Variants in AKR1B15 observed in about 807,000 individuals in gnomAD.
AKR1B15 encodes aldo-keto reductase family 1 member B15, also known as estradiol 17-beta-dehydrogenase AKR1B15.
AKR1B15 carries 49 observed loss-of-function variants against 38.5 expected under a neutral mutation model. That is an observed-to-expected ratio of 1.27 (90% CI 1.01 to 1.62). The LOEUF is 1.62. Among genes scored for constraint, AKR1B15 ranks in the 40% most tolerant of loss-of-function variants. The probability of loss-of-function intolerance (pLI) is 0.00; values close to 1 mark genes in which losing one functional copy is unlikely to be tolerated. For missense variants in AKR1B15, 411 were observed against 381.6 expected (o/e 1.08, Z -0.64); for synonymous variants, 137 against 135.5 (o/e 1.01, Z -0.08).
intron 3 of AKR1B15, among the ~76,000 whole-genome samples, chr7:134,566,353 G>A (rs1010462574): frequency 6.6e-6 from 1 of 152,128 alleles, no homozygotes; most frequent in African/African-American, 2.4e-5. Context: ...GCTACCTAAC[G>A]GGCATCTGCA....
intron 2 of AKR1B15, among the ~76,000 whole-genome samples, chr7:134,562,347 G>C (rs1794419896): frequency 6.6e-6 from 1 of 152,116 alleles, no homozygotes; most frequent in Non-Finnish European, 1.5e-5. Context: ...TTGCTGCTGG[G>C]GGCTGGGGTG....
intron 4 of AKR1B15, among the ~76,000 whole-genome samples, chr7:134,569,184 T>C (rs777086632): frequency 2.6e-5 from 4 of 152,228 alleles, no homozygotes; most frequent in Non-Finnish European, 5.9e-5. Flanking sequence ...GAGACACTTA[T>C]AGAGTACTAG....
At chr7:134,570,013 T>G (rs1794634245) in intron 5 of AKR1B15, 1 of 153,776 alleles carries the variant, frequency 6.5e-6, no homozygotes, top group African/African-American at 2.4e-5. Context: ...CAGAGCCATA[T>G]TTCTCTTCTT....
intron 2 of AKR1B15, among the ~76,000 whole-genome samples, chr7:134,559,952 A>G (rs1794333501): frequency 6.6e-6 from 1 of 152,060 alleles, no homozygotes; most frequent in African/African-American, 2.4e-5. Context: ...TAACAAAAAC[A>G]CAATAATTAG....
chr7:134,575,422 C>T lies in AKR1B15; in HGVS notation c.516C>T (p.Ala172=), dbSNP rs762052584. Residue 172 remains alanine (A), a splice_region_variant and synonymous_variant, in exon 7 of 12, where the codon GCC becomes GCT. Coordinates refer to ENST00000457545, the MANE Select transcript of AKR1B15 (RefSeq NM_001080538.3). ...GKGTFLDAWE[A]MEELVDEGLV... is the part of the protein sequence containing the mutation. The stretch of plus-strand genomic sequence containing the variant: ...TAAGGTATTCCTTTCTATGATAGGC[C>T]ATGGAGGAGCTGGTGGACGAGGGGC... The T allele has an allele frequency of 1.2e-6, 2 of 1,613,740 alleles. No individual in the cohort carries two copies. Among genetic ancestry groups the T allele is most frequent in the East Asian group, 4.5e-5 (2 of 44,826 alleles).
At chr7:134,572,292 AATT>A (rs1794684091) in intron 6 of AKR1B15, among the ~76,000 whole-genome samples, 1 of 152,192 alleles carries the variant, frequency 6.6e-6, no homozygotes, top group Non-Finnish European at 1.5e-5. Flanking sequence ...GACTCATCTG[AATT>A]GCAAGTCCAA....
chr7:134,573,493 G>C, intron 6 of AKR1B15: 2 of 985,418 alleles, frequency 2.0e-6, no homozygotes, highest in Non-Finnish European at 2.4e-6. Context: ...AGATATCATT[G>C]ATCAAGTTCA....
At position 134,551,252 on chromosome 7, in the gene AKR1B15, A is replaced by G. The variant is rs1010074519; in HGVS notation, c.-147+2003A>G. Among the ~76,000 whole-genome samples the G allele has an allele frequency of 3.9e-5, 6 of 152,306 alleles. No individual in the cohort carries two copies. In the South Asian group the frequency reaches 1.0e-3, roughly 26 times the overall value. On this transcript the variant is annotated intron_variant, in intron 1 of 11. Transcript: ENST00000457545. ...CCTATATCCTCCCAATTATGGCCTC[A>G]GCCGGAGGAGGTGGCCCCGCTCCTC...
At chr7:134,560,978 T>C (rs1238299672) in intron 2 of AKR1B15, among the ~76,000 whole-genome samples, 2 of 152,354 alleles carry the variant, frequency 1.3e-5, no homozygotes, top group South Asian at 4.1e-4. Flanking sequence ...TCCTTTATTT[T>C]CCCAAATATA....
intron 2 of AKR1B15, 90 bp from the exon 3 acceptor site, chr7:134,564,508 C>A (rs1461498928): frequency 3.7e-6 from 2 of 541,598 alleles, no homozygotes; most frequent in Non-Finnish European, 6.5e-6. Flanking sequence ...CATGGCTTCT[C>A]CCCTTTCTAG....
At chr7:134,558,875 T>C (rs1013154466) in intron 2 of AKR1B15, among the ~76,000 whole-genome samples, 7 of 152,190 alleles carry the variant, frequency 4.6e-5, no homozygotes, top group Non-Finnish European at 7.4e-5. Context: ...AACATCAGCA[T>C]TGGCCTTGAG....
In AKR1B15 at chr7:134,568,934, C is replaced by A. The variant is rs538908209; in HGVS notation, c.319-479C>A. On this transcript the variant is annotated intron_variant, in intron 4 of 11. Coordinates refer to ENST00000457545, the MANE Select transcript of AKR1B15 (RefSeq NM_001080538.3). ...TACATCTGGTGGGACAAATAGACCC[C>A]ACTGTGTAGCAGCCAAGTCTGGATA... Among the ~76,000 whole-genome samples the A allele has an allele frequency of 3.3e-5, 5 of 152,076 alleles. No homozygotes were observed. In the South Asian group the frequency reaches 1.0e-3, roughly 32 times the overall value.
intron 2 of AKR1B15, among the ~76,000 whole-genome samples, chr7:134,563,872 G>T (rs1187378688): frequency 6.6e-6 from 1 of 152,162 alleles, no homozygotes; most frequent in Non-Finnish European, 1.5e-5. Flanking sequence ...AGCTACCTTG[G>T]CAAGTACTCT....
At position 134,562,839 on chromosome 7, in the gene AKR1B15, T is replaced by TTTCTTTCG. The variant is rs1345520186; in HGVS notation, c.-22-1752_-22-1751insGTTCTTTC. On this transcript the variant is annotated intron_variant, in intron 2 of 11. Coordinates refer to ENST00000457545, the MANE Select transcript of AKR1B15 (RefSeq NM_001080538.3). ...TTCTTCCTTCCTTCCTTTCTCTTTC[T>TTTCTTTCG]TTCTTTCTTTCTTTCTTTCTTTCTT... Among the ~76,000 whole-genome samples the TTTCTTTCG allele has an allele frequency of 3.7e-3, 175 of 47,768 alleles. 3 individuals carry two copies. The highest frequency in any genetic ancestry group is 0.016 in the African/African-American group (153 of 9,446). The allele number at this position is 47,768 out of a possible 152,430, so 31.3% of individuals were successfully genotyped here. A position where few individuals can be genotyped will look rare whatever the true frequency, so the allele number is the denominator to read the frequency against.
intron 6 of AKR1B15, among the ~76,000 whole-genome samples, chr7:134,574,729 A>T (rs537207025): frequency 2.6e-5 from 4 of 152,368 alleles, no homozygotes; most frequent in East Asian, 1.9e-4. Context: ...ATGCCCAATA[A>T]AGGCTAAAAA....
At chr7:134,566,743 G>A (rs984349401) in intron 3 of AKR1B15, among the ~76,000 whole-genome samples, 5 of 151,976 alleles carry the variant, frequency 3.3e-5, no homozygotes, top group Admixed American at 6.6e-5. Flanking sequence ...CTCCTGTGCC[G>A]AGCTGGAGGG....
intron 1 of AKR1B15, among the ~76,000 whole-genome samples, chr7:134,553,426 C>T (rs1031645288): frequency 2.0e-5 from 3 of 152,178 alleles, no homozygotes; most frequent in Admixed American, 1.3e-4. Flanking sequence ...CTTACTCAGA[C>T]TTTAGGGCCA....
intron 3 of AKR1B15, chr7:134,565,381 G>T: frequency 6.3e-7 from 1 of 1,587,026 alleles, no homozygotes; most frequent in Non-Finnish European, 8.6e-7. Context: ...CTTCATTCTT[G>T]AAGCCAGCGA....
intron 2 of AKR1B15, among the ~76,000 whole-genome samples, chr7:134,557,709 TC>T (rs1345860825): frequency 3.9e-5 from 6 of 152,090 alleles, no homozygotes; most frequent in Non-Finnish European, 7.4e-5. Context: ...CTGTTCTGCT[TC>T]TGTAAAAAAT....
Sources: allele counts gnomAD v4.1 joint callset (sites outside exome capture counted in the v4.1 genomes callset), GRCh38; gene constraint gnomAD v4.1.1; transcripts MANE v1.5; gene names NCBI Gene and HGNC (gene_info 2026-07-23, HGNC 2026-07-21).